ARHGAP24: variants seen among roughly 807,000 people sequenced by gnomAD.
The protein encoded by ARHGAP24 is rho GTPase-activating protein 24.
ARHGAP24 carries 50 observed loss-of-function variants against 76.4 expected under a neutral mutation model. The ratio of observed to expected loss-of-function variants is 0.65; its 90% CI spans 0.52 to 0.83. The LOEUF (loss-of-function observed/expected upper bound fraction) is 0.83. Among genes scored for constraint, ARHGAP24 ranks in the 40% least tolerant of loss-of-function variants. The pLI is 0.00. For synonymous variants in ARHGAP24, 345 were observed against 323.3 expected, an observed-to-expected ratio of 1.07 and a Z score of -0.72; for missense variants, 930 against 914.2, an observed-to-expected ratio of 1.02 and a Z score of -0.22.
At chr4:85,888,537 T>TTA in intron 3 of ARHGAP24, among the ~76,000 whole-genome samples, 1 of 151,962 alleles carries the variant, frequency 6.6e-6, no homozygotes, top group East Asian at 1.9e-4. Flanking sequence ...AAGTTTAAAC[T>TTA]CTGTTTGTTT....
intron 5 of ARHGAP24, among the ~76,000 whole-genome samples, chr4:85,945,225 G>A (rs560316512): frequency 2.7e-5 from 4 of 150,648 alleles, no homozygotes; most frequent in South Asian, 2.1e-4. Context: ...TCACTGCAAC[G>A]TCCACCTCAC....
intron 2 of ARHGAP24, among the ~76,000 whole-genome samples, chr4:85,719,278 A>C (rs1018648532): frequency 6.6e-6 from 1 of 152,206 alleles, no homozygotes; most frequent in African/African-American, 2.4e-5. Flanking sequence ...AACGGGATCT[A>C]TAGGCCAGAG....
chr4:85,733,060 C>CTCTTTTTTTTTTT (rs1725470495), intron 3 of ARHGAP24, among the ~76,000 whole-genome samples: 1 of 55,206 alleles, frequency 1.8e-5, no homozygotes, highest in African/African-American at 6.4e-5. Context: ...GCCTCACCAA[C>CTCTTTTTTTTTTT]TTTTTTTTTT....
intron 4 of ARHGAP24, among the ~76,000 whole-genome samples, chr4:85,927,576 C>A (rs1298510602): frequency 6.6e-6 from 1 of 152,156 alleles, no homozygotes; most frequent in Non-Finnish European, 1.5e-5. Context: ...CCCTTCCTAT[C>A]TTAGTTATGA....
At chr4:85,986,985 T>TAC (rs1740044539) in intron 8 of ARHGAP24, among the ~76,000 whole-genome samples, 1 of 152,084 alleles carries the variant, frequency 6.6e-6, no homozygotes, top group Admixed American at 6.6e-5. Context: ...TAAGGAATTT[T>TAC]TAGGGCAGTG....
intron 8 of ARHGAP24, among the ~76,000 whole-genome samples, chr4:85,985,606 G>T (rs1436306444): frequency 6.6e-6 from 1 of 152,104 alleles, no homozygotes; most frequent in Non-Finnish European, 1.5e-5. Flanking sequence ...TAACAAACGT[G>T]CAGTTATACC....
In ARHGAP24 at chr4:85,770,160, G is replaced by A. The variant is rs528506397; in HGVS notation, c.268+48188G>A. On this transcript the variant is annotated intron_variant, in intron 3 of 9. Coordinates refer to ENST00000395184, the MANE Select transcript of ARHGAP24 (RefSeq NM_001025616.3). The stretch of plus-strand genomic sequence containing the variant: ...GTCAAAGAATACAGACCAAGGAAGG[G>A]CCTCCTCTATTCATTTCCAACATTC... Among the ~76,000 whole-genome samples, 8 of 152,230 alleles carry A rather than the reference G, an allele frequency of 5.3e-5. No homozygotes were observed. The South Asian group carries it at 1.7e-3, about 32-fold the overall frequency.
intron 1 of ARHGAP24, among the ~76,000 whole-genome samples, chr4:85,500,598 T>G (rs1723765674): frequency 6.6e-6 from 1 of 152,194 alleles, no homozygotes; most frequent in Admixed American, 6.5e-5. Flanking sequence ...CAGGATTAAC[T>G]AAGCAAAATA....
At chr4:85,929,394 C>T (rs2148815823) in intron 4 of ARHGAP24, among the ~76,000 whole-genome samples, 1 of 152,258 alleles carries the variant, frequency 6.6e-6, no homozygotes, top group East Asian at 1.9e-4. Flanking sequence ...AAGCTTCTGC[C>T]AAATGGCTGG....
At chr4:85,576,323 C>G (rs760868527) in intron 2 of ARHGAP24, among the ~76,000 whole-genome samples, 1 of 151,748 alleles carries the variant, frequency 6.6e-6, no homozygotes, top group Non-Finnish European at 1.5e-5. Context: ...CCACCTACTC[C>G]GGAGGCTGAG....
chr4:85,676,532 C>A (rs1722986842), intron 2 of ARHGAP24, among the ~76,000 whole-genome samples: 1 of 152,066 alleles, frequency 6.6e-6, no homozygotes, highest in South Asian at 2.1e-4. Flanking sequence ...AGTGGAGGGT[C>A]TGAACTCTAA....
chr4:85,510,934 C>T (rs1033887302), intron 1 of ARHGAP24, among the ~76,000 whole-genome samples: 5 of 151,952 alleles, frequency 3.3e-5, no homozygotes, highest in East Asian at 1.9e-4. Context: ...TGCATAGTAA[C>T]GGTATATTAT....
intron 9 of ARHGAP24, among the ~76,000 whole-genome samples, chr4:85,999,619 C>T (rs1740883272): frequency 6.6e-6 from 1 of 152,078 alleles, no homozygotes; most frequent in African/African-American, 2.4e-5. Context: ...AAAAGTCAGC[C>T]GAGGCCAAGA....
rs566638560 is a variant in ARHGAP24, at chr4:85,629,637, G to GT, written c.180+58924dup. On this transcript the variant is annotated intron_variant, in intron 2 of 9. Transcript: ENST00000395184. ...CCAGGTATCTTATTCTTGGTCAGCA[G>GT]TTTTTTTTATTTGAACAGTTTGAAC... Among the ~76,000 whole-genome samples, 4 of 151,990 alleles carry GT rather than the reference G, an allele frequency of 2.6e-5. No homozygotes were observed. In the South Asian group the frequency reaches 8.3e-4, roughly 32 times the overall value.
chr4:85,513,353 T>C (rs1724356979), intron 1 of ARHGAP24, among the ~76,000 whole-genome samples: 1 of 152,210 alleles, frequency 6.6e-6, no homozygotes, highest in African/African-American at 2.4e-5. Flanking sequence ...TTTGCTGCCA[T>C]GTTTGTCCAC....
chr4:85,549,053 C>A (rs1726025190), intron 1 of ARHGAP24, among the ~76,000 whole-genome samples: 1 of 151,662 alleles, frequency 6.6e-6, no homozygotes, highest in South Asian at 2.1e-4. Flanking sequence ...TATCTGTTCC[C>A]TCTTGATGAG....
intron 3 of ARHGAP24, among the ~76,000 whole-genome samples, chr4:85,889,377 C>T (rs981990085): frequency 3.3e-5 from 5 of 152,096 alleles, no homozygotes; most frequent in Admixed American, 2.0e-4. Flanking sequence ...TATAAACTAT[C>T]CTAATAAGTG....
At chr4:85,755,701 C>T (rs1490673720) in intron 3 of ARHGAP24, among the ~76,000 whole-genome samples, 2 of 139,940 alleles carry the variant, frequency 1.4e-5, no homozygotes, top group African/African-American at 2.6e-5. Context: ...GGCGTGATCT[C>T]GGCTCACTAC....
At chr4:85,807,275 A>G (rs1489233405) in intron 3 of ARHGAP24, among the ~76,000 whole-genome samples, 1 of 151,392 alleles carries the variant, frequency 6.6e-6, no homozygotes, top group Non-Finnish European at 1.5e-5. Flanking sequence ...CCCACCCCCA[A>G]CAGACCCCAG....
Sources: allele counts gnomAD v4.1 joint callset (sites outside exome capture counted in the v4.1 genomes callset), GRCh38; gene constraint gnomAD v4.1.1; transcripts MANE v1.5; gene names NCBI Gene and HGNC (gene_info 2026-07-23, HGNC 2026-07-21).